KIAA1217: variants seen among roughly 807,000 people sequenced by gnomAD.
The protein encoded by KIAA1217 is KIAA1217, also known as sickle tail protein homolog.
In KIAA1217, 88 loss-of-function variants were observed where a neutral mutation model predicts 163.9. The ratio of observed to expected loss-of-function variants is 0.54; its 90% confidence interval spans 0.45 to 0.64. The LOEUF (loss-of-function observed/expected upper bound fraction) is 0.64, where lower values mean the gene tolerates loss of function less well. Ranked by LOEUF, KIAA1217 falls within the 30% of genes least tolerant of loss-of-function variation. The pLI, the probability that KIAA1217 is intolerant of heterozygous loss-of-function variation, is 0.00. For synonymous variants in KIAA1217, 903 were observed against 923.1 expected (o/e 0.98, Z 0.39); for missense variants, 2,372 against 2,475.0 (o/e 0.96, Z 0.88).
At chr10:24,044,215 G>A (rs1848823182) in intron 2 of KIAA1217, among the ~76,000 whole-genome samples, 2 of 152,090 alleles carry the variant, frequency 1.3e-5, no homozygotes, top group South Asian at 4.1e-4. Context: ...TTAATAGTTG[G>A]CAAATCGGAC....
At chr10:23,936,715 C>T (rs531845550) in intron 1 of KIAA1217, among the ~76,000 whole-genome samples, 1 of 152,194 alleles carries the variant, frequency 6.6e-6, no homozygotes, top group African/African-American at 2.4e-5. Context: ...CCTGCAGACA[C>T]CTGGATTTCA....
chr10:24,431,966 G>A (rs1007494729), intron 3 of KIAA1217, among the ~76,000 whole-genome samples: 1 of 152,034 alleles, frequency 6.6e-6, no homozygotes, highest in African/African-American at 2.4e-5. Flanking sequence ...CATTTCCACT[G>A]AAAATGTTTC....
chr10:24,473,954 C>A lies in KIAA1217; in HGVS notation c.1573C>A (p.Arg525=). ...CACCTTGGTGTATATAGAAAAGCCA[C>A]GGAGCGCTGCAGGATTATCCAGCCT... ...PGTLVYIEKP[R]SAAGLSSLVD... Residue 525 remains arginine (R), a synonymous_variant, in exon 6 of 21, where the codon CGG becomes AGG. Coordinates refer to ENST00000376454, the MANE Select transcript of KIAA1217 (RefSeq NM_019590.5). The A allele has an allele frequency of 6.2e-7, 1 of 1,614,172 alleles. No homozygotes were observed. The highest frequency in any genetic ancestry group is 8.5e-7 in the Non-Finnish European group (1 of 1,180,036).
chr10:24,442,500 T>C (rs2060576778), intron 5 of KIAA1217, among the ~76,000 whole-genome samples: 1 of 152,210 alleles, frequency 6.6e-6, no homozygotes, highest in Admixed American at 6.5e-5. Context: ...AAGACCCAAA[T>C]GTTCAGCTTC....
intron 2 of KIAA1217, among the ~76,000 whole-genome samples, chr10:24,084,742 G>A (rs2061640231): frequency 6.6e-6 from 1 of 151,978 alleles, no homozygotes; most frequent in Non-Finnish European, 1.5e-5. Flanking sequence ...ACTAGGTAAG[G>A]AGCAAAAAGT....
rs1345186386 is a variant in KIAA1217 at position 24,043,805 on chromosome 10, G to A, written c.-171+36431G>A. 2.0e-5 allele frequency among the ~76,000 whole-genome samples: 3 copies of A among 152,030 alleles called. No individual in the cohort carries two copies. The East Asian group carries it at 5.8e-4, about 29-fold the overall frequency. On this transcript the variant is annotated intron_variant, in intron 2 of 18. Transcript: ENST00000376462. ...TCCGAGGCTCGGTGCTTATTCCAAAGATTTATTCAAAATGCTGACCTTTTC... is the reference window on the plus strand; with the variant it reads ...TCCGAGGCTCGGTGCTTATTCCAAAAATTTATTCAAAATGCTGACCTTTTC...
rs1309864491 is a variant in KIAA1217, at chr10:23,792,409, A to AG, written c.-321+97176dup. On this transcript the variant is annotated intron_variant, in intron 1 of 18. Transcript: ENST00000376462. ...TCTTATAGTAAACTTTCCGCATATTAGTCTTTTTGAATGGACCTAACTTGA... is the reference window on the plus strand; with the variant it reads ...TCTTATAGTAAACTTTCCGCATATTAGGTCTTTTTGAATGGACCTAACTTGA... 2.6e-5 allele frequency among the ~76,000 whole-genome samples: 4 copies of AG among 152,308 alleles called. No homozygotes were observed. The East Asian group carries it at 7.7e-4, about 29-fold the overall frequency.
chr10:24,241,190 G>T (rs2073050518), intron 2 of KIAA1217, among the ~76,000 whole-genome samples: 1 of 152,106 alleles, frequency 6.6e-6, no homozygotes, highest in South Asian at 2.1e-4. Context: ...AGAAACTGTG[G>T]CTCAGAGAGT....
intron 1 of KIAA1217, among the ~76,000 whole-genome samples, chr10:23,778,535 G>A (rs985800181): frequency 6.6e-6 from 1 of 152,182 alleles, no homozygotes; most frequent in Admixed American, 6.5e-5. Flanking sequence ...GGCCATTGTT[G>A]TGGGGAATCT....
At chr10:24,171,523 G>A (rs536600070) in intron 2 of KIAA1217, among the ~76,000 whole-genome samples, 3 of 152,142 alleles carry the variant, frequency 2.0e-5, no homozygotes, top group South Asian at 4.1e-4. Context: ...AATGATGATC[G>A]GCTGGGCACG....
intron 2 of KIAA1217, among the ~76,000 whole-genome samples, chr10:24,147,502 C>G (rs1390615299): frequency 6.6e-6 from 1 of 152,022 alleles, no homozygotes; most frequent in East Asian, 1.9e-4. Context: ...GGTAAAATAG[C>G]CACAATGTCA....
chr10:24,292,560 T>C (rs1027151091), intron 2 of KIAA1217, among the ~76,000 whole-genome samples: 3 of 152,204 alleles, frequency 2.0e-5, no homozygotes, highest in African/African-American at 7.2e-5. Flanking sequence ...GTCAACCATC[T>C]CCTGTTACCC....
At chr10:24,516,303 G>A (rs2070141983) in intron 10 of KIAA1217, among the ~76,000 whole-genome samples, 1 of 152,198 alleles carries the variant, frequency 6.6e-6, no homozygotes, top group African/African-American at 2.4e-5. Flanking sequence ...CCCATATTTG[G>A]GGAGTGTCAT....
At chr10:24,100,701 G>T (rs981449902) in intron 2 of KIAA1217, among the ~76,000 whole-genome samples, 5 of 152,114 alleles carry the variant, frequency 3.3e-5, no homozygotes, top group Admixed American at 6.5e-5. Context: ...AAACTATTTT[G>T]CAAGGAAATC....
intron 2 of KIAA1217, among the ~76,000 whole-genome samples, chr10:24,064,536 G>A (rs4748926): frequency 0.1 from 15,444 of 152,084 alleles, 1,108 homozygotes; most frequent in East Asian, 0.31. Context: ...TGCTGGATTC[G>A]GTTTGCCAGT....
chr10:23,845,270 T>C (rs1838970103), intron 1 of KIAA1217, among the ~76,000 whole-genome samples: 1 of 152,166 alleles, frequency 6.6e-6, no homozygotes, highest in African/African-American at 2.4e-5. Flanking sequence ...GATTGCTGGG[T>C]CAAATGGTAT....
intron 1 of KIAA1217, among the ~76,000 whole-genome samples, chr10:23,826,148 G>A (rs1365922232): frequency 1.3e-5 from 2 of 151,670 alleles, no homozygotes; most frequent in Non-Finnish European, 2.9e-5. Flanking sequence ...TATTGCACTA[G>A]TTATGTTTGA....
chr10:23,912,665 A>T (rs1842483726), intron 1 of KIAA1217, among the ~76,000 whole-genome samples: 2 of 152,160 alleles, frequency 1.3e-5, no homozygotes, highest in African/African-American at 4.8e-5. Context: ...ACATGATTTC[A>T]TTCTTTTTAT....
intron 6 of KIAA1217, among the ~76,000 whole-genome samples, chr10:24,493,767 G>A (rs767366429): frequency 2.0e-5 from 3 of 152,082 alleles, no homozygotes; most frequent in Non-Finnish European, 4.4e-5. Context: ...CAAATAAATG[G>A]GTTGTTTTGT....
Sources: allele counts gnomAD v4.1 joint callset (sites outside exome capture counted in the v4.1 genomes callset), GRCh38; gene constraint gnomAD v4.1.1; transcripts MANE v1.5; gene names NCBI Gene and HGNC (gene_info 2026-07-23, HGNC 2026-07-21).